Variants in EXOC6 observed in about 807,000 individuals in gnomAD.
The protein encoded by EXOC6 is SEC15-like 1.
In EXOC6, 60 loss-of-function variants were observed where a neutral mutation model predicts 112.5. The observed-to-expected ratio is 0.53, with a 90% CI of 0.43 to 0.66. EXOC6 has a LOEUF of 0.66. Ranked by LOEUF, EXOC6 falls within the 30% of genes least tolerant of loss-of-function variation. EXOC6 has a pLI of 0.00. For missense variants in EXOC6, 855 were observed against 957.1 expected (o/e 0.89, Z 1.41); for synonymous variants, 295 against 308.0 (o/e 0.96, Z 0.44).
chr10:92,883,632 T>C (rs1223413809), intron 1 of EXOC6, among the ~76,000 whole-genome samples: 1 of 152,164 alleles, frequency 6.6e-6, no homozygotes, highest in African/African-American at 2.4e-5. Flanking sequence ...AAGCTTGATA[T>C]GCCATTTGAA....
At chr10:92,950,611 G>A (rs1853351224) in intron 14 of EXOC6, among the ~76,000 whole-genome samples, 1 of 151,894 alleles carries the variant, frequency 6.6e-6, no homozygotes, top group South Asian at 2.1e-4. Context: ...GCACCATGCA[G>A]AAAGGCTGCA....
intron 4 of EXOC6, among the ~76,000 whole-genome samples, chr10:92,899,257 T>C (rs1186998307): frequency 6.6e-6 from 1 of 152,182 alleles, no homozygotes; most frequent in African/African-American, 2.4e-5. Flanking sequence ...TCCAGTTCTA[T>C]TTCAGGGAAG....
chr10:92,845,487 A>T (rs1485342437), upstream of EXOC6, among the ~76,000 whole-genome samples: 2 of 144,982 alleles, frequency 1.4e-5, no homozygotes, highest in African/African-American at 2.6e-5. Flanking sequence ...CGGGAGGCAG[A>T]GGTTGCAGTG....
In EXOC6 at chr10:93,027,486, A is replaced by G. The variant is rs937844554; in HGVS notation, c.2169+13219A>G. Among the ~76,000 whole-genome samples the G allele has an allele frequency of 2.6e-5, 4 of 152,238 alleles. No individual in the cohort carries two copies. In the South Asian group the frequency reaches 8.3e-4, roughly 32 times the overall value. On this transcript the variant is annotated intron_variant, in intron 20 of 21. Transcript: ENST00000260762. ...ATGACTTTCATAACTAGAGAAGAGA[A>G]GGCAATACTTGGTTTTAAAGTTTCA...
chr10:92,921,197 A>G (rs922937397), intron 8 of EXOC6, among the ~76,000 whole-genome samples: 11 of 148,802 alleles, frequency 7.4e-5, no homozygotes, highest in Non-Finnish European at 1.5e-4. Flanking sequence ...TGTCTTGTGC[A>G]TTAAATAGAT....
At chr10:93,054,424 A>G (rs1365650191) in intron 20 of EXOC6, among the ~76,000 whole-genome samples, 1 of 152,242 alleles carries the variant, frequency 6.6e-6, no homozygotes, top group African/African-American at 2.4e-5. Context: ...ACTGTGTACA[A>G]TATGTATTTC....
intron 1 of EXOC6, among the ~76,000 whole-genome samples, chr10:92,882,734 G>A (rs889273697): frequency 6.6e-6 from 1 of 152,070 alleles, no homozygotes; most frequent in African/African-American, 2.4e-5. Flanking sequence ...GGTTTCTTAA[G>A]TATATCTGGA....
intron 17 of EXOC6, among the ~76,000 whole-genome samples, chr10:92,971,645 G>A (rs1194544306): frequency 6.6e-6 from 1 of 152,144 alleles, no homozygotes; most frequent in African/African-American, 2.4e-5. Context: ...CTCCCAAAGT[G>A]CTAGGATTAC....
chr10:93,058,507 T>A lies in EXOC6; in HGVS notation c.*152T>A. 2.0e-6 allele frequency: 1 copy of A among 489,306 alleles called. No homozygotes were observed. Among genetic ancestry groups the A allele is most frequent in the Non-Finnish European group, 3.4e-6 (1 of 298,000 alleles). 30.3% of individuals were successfully genotyped at this position (489,306 alleles called of 1,614,324 possible). A position where few individuals can be genotyped will look rare whatever the true frequency, so the allele number is the denominator to read the frequency against. On this transcript the variant is annotated 3_prime_UTR_variant, in exon 22 of 22. Coordinates refer to ENST00000260762, the MANE Select transcript of EXOC6 (RefSeq NM_019053.6). ...CTTAAACAAGAAATAGTAATAAATATCATTTGTATGGATTTTTAAATAATC... is the reference window on the plus strand; with the variant it reads ...CTTAAACAAGAAATAGTAATAAATAACATTTGTATGGATTTTTAAATAATC...
At chr10:92,900,589 TTC>T (rs544396419) in intron 5 of EXOC6, 10 of 151,936 alleles carry the variant, frequency 6.6e-5, no homozygotes, top group Non-Finnish European at 1.2e-4. Flanking sequence ...TAATAATATA[TTC>T]TCTTTTTAAA....
At chr10:93,000,579 A>G (rs1843713687) in intron 19 of EXOC6, among the ~76,000 whole-genome samples, 1 of 152,204 alleles carries the variant, frequency 6.6e-6, no homozygotes, top group Non-Finnish European at 1.5e-5. Flanking sequence ...CTGGCACTGT[A>G]GATATGAAAA....
intron 1 of EXOC6, among the ~76,000 whole-genome samples, chr10:92,862,941 T>A (rs1847977621): frequency 6.6e-6 from 1 of 152,172 alleles, no homozygotes; most frequent in Non-Finnish European, 1.5e-5. Flanking sequence ...TAGAGTCTAT[T>A]TTGTGAAGTG....
intron 20 of EXOC6, among the ~76,000 whole-genome samples, chr10:93,043,570 A>G (rs115573059): frequency 6.6e-6 from 1 of 152,324 alleles, no homozygotes; most frequent in African/African-American, 2.4e-5. Flanking sequence ...CTGATGGCCT[A>G]GTGTAAGATG....
intron 9 of EXOC6, among the ~76,000 whole-genome samples, chr10:92,929,121 T>C (rs960165253): frequency 2.6e-5 from 4 of 152,234 alleles, no homozygotes. Flanking sequence ...AATAAGAGAT[T>C]GTCTCCCTTG....
intron 20 of EXOC6, among the ~76,000 whole-genome samples, chr10:93,048,337 TC>T (rs1199278387): frequency 1.3e-5 from 2 of 152,110 alleles, no homozygotes; most frequent in African/African-American, 2.4e-5. Context: ...ACAGGTTCTT[TC>T]TTCTATTGGG....
intron 17 of EXOC6, among the ~76,000 whole-genome samples, chr10:92,957,005 C>G (rs1372483208): frequency 6.6e-6 from 1 of 151,946 alleles, no homozygotes; most frequent in African/African-American, 2.4e-5. Context: ...GTATCCCTGC[C>G]CTCAAGAAGC....
chr10:92,860,769 G>A (rs1362217953), intron 1 of EXOC6, among the ~76,000 whole-genome samples: 1 of 152,160 alleles, frequency 6.6e-6, no homozygotes, highest in African/African-American at 2.4e-5. Flanking sequence ...TATCCACATT[G>A]TAGCACATGT....
rs370851661 is a variant in EXOC6, at chr10:92,885,569, G to T, written c.102-7780G>T. On this transcript the variant is annotated intron_variant, in intron 1 of 21. Transcript: ENST00000260762. ...AATTTTTGTATTTTTAGTAGAGACA[G>T]CGTTTCACCATATTGGCCAGGCTGG... is the stretch of plus-strand genomic sequence containing the variant. 2.0e-5 allele frequency among the ~76,000 whole-genome samples: 3 copies of T among 152,164 alleles called. No homozygotes were observed. The East Asian group carries it at 5.8e-4, about 29-fold the overall frequency.
chr10:92,997,758 T>A, intron 19 of EXOC6, 143 bp downstream of exon 19: 1 of 554,854 alleles, frequency 1.8e-6, no homozygotes, highest in Non-Finnish European at 2.8e-6. Context: ...GGAGTAGGGC[T>A]AACTTCCTGA....
Sources: allele counts gnomAD v4.1 joint callset (sites outside exome capture counted in the v4.1 genomes callset), GRCh38; gene constraint gnomAD v4.1.1; transcripts MANE v1.5; gene names NCBI Gene and HGNC (gene_info 2026-07-23, HGNC 2026-07-21).